CIITA: variants seen among roughly 807,000 people sequenced by gnomAD.
The protein encoded by CIITA is MHC class II transactivator.
CIITA carries 72 observed loss-of-function variants against 115.1 expected under a neutral mutation model. The observed-to-expected ratio is 0.63, with a 90% CI of 0.52 to 0.76. CIITA has a LOEUF of 0.76. Among genes scored for constraint, CIITA ranks in the 30% least tolerant of loss-of-function variants. The pLI, the probability that CIITA is intolerant of heterozygous loss-of-function variation, is 0.00. For missense variants in CIITA, 1,617 were observed against 1,463.8 expected (o/e 1.10, Z -1.71); for synonymous variants, 763 against 635.6 (o/e 1.20, Z -3.02).
chr16:10,916,503 A>G (rs756858211), intron 15 of CIITA, 44 bp downstream of exon 15: 34 of 1,531,014 alleles, frequency 2.2e-5, no homozygotes, highest in Non-Finnish European at 2.8e-5. Context: ...CGGGCCCCCA[A>G]AGTCCGGCTG....
rs1481797655 is a variant in CIITA, at chr16:10,930,333, G to A, written c.*6478G>A. 6.6e-6 allele frequency: 1 copy of A among 152,206 alleles called. No homozygotes were observed. Among genetic ancestry groups the A allele is most frequent in the Non-Finnish European group, 1.5e-5 (1 of 68,040 alleles). 9.4% of individuals were successfully genotyped at this position (152,206 alleles called of 1,614,324 possible). A position where few individuals can be genotyped will look rare whatever the true frequency, so the allele number is the denominator to read the frequency against. ...AGGGTGCTATTGACATTTGGGGTAGGACAATTCTTGGAGGTGGGGTGGCTG... is the reference window on the plus strand; with the variant it reads ...AGGGTGCTATTGACATTTGGGGTAGAACAATTCTTGGAGGTGGGGTGGCTG... On this transcript the variant is annotated 3_prime_UTR_variant, in exon 20 of 20. Transcript: ENST00000324288.
chr16:10,910,726 A>G (rs1274698366), intron 13 of CIITA, among the ~76,000 whole-genome samples: 3 of 152,150 alleles, frequency 2.0e-5, no homozygotes, highest in East Asian at 1.9e-4. Context: ...TGTGTCCCCA[A>G]CCTTCCATAG....
chr16:10,915,966 CA>C (rs1336582358), intron 14 of CIITA, among the ~76,000 whole-genome samples: 1 of 152,134 alleles, frequency 6.6e-6, no homozygotes, highest in African/African-American at 2.4e-5. Flanking sequence ...TCCCCAGTGA[CA>C]AAAAAAGTTG....
At chr16:10,906,251 T>C (rs1567414381) in intron 10 of CIITA, among the ~76,000 whole-genome samples, 1 of 152,166 alleles carries the variant, frequency 6.6e-6, no homozygotes. Context: ...TCCCAGCTAC[T>C]TGGGAGGTGG....
Position 10,907,263 on chromosome 16 carries a change from C to G in CIITA, c.1771C>G (p.Gln591Glu). The G allele has an allele frequency of 6.2e-7, 1 of 1,613,522 alleles. No homozygotes were observed. Among genetic ancestry groups the G allele is most frequent in the South Asian group, 1.1e-5 (1 of 91,074 alleles). Residue 591 changes from glutamine to glutamate, a missense_variant, in exon 11 of 20, where the codon CAA (glutamine) becomes GAA (glutamate). Gln to Glu is a conservative substitution (Grantham distance 29). Coordinates refer to ENST00000324288, the MANE Select transcript of CIITA (RefSeq NM_000246.4). The surrounding 1 kb of genome is among the most constrained non-coding windows in gnomAD (Gnocchi z 5.0). ...YFESSGMTEH[Q>E]DRALTLLRDR... ...TGAGAGCTCAGGGATGACAGAGCAC[C>G]AAGACAGAGCCCTGACGCTCCTCCG... is the stretch of plus-strand genomic sequence containing the variant.
At position 10,901,917 on chromosome 16, in the gene CIITA, G is replaced by A. The variant is rs1401010138; in HGVS notation, c.482-121G>A. On this transcript the variant is annotated intron_variant, in intron 6 of 19. Transcript: ENST00000324288. The surrounding 1 kb of genome is among the most constrained non-coding windows in gnomAD (Gnocchi z 6.8). ...GCTGATCAACACAGCTGCAGCCAGG[G>A]CTGAGAAGATGACAAGCATTTCCTC... is the stretch of plus-strand genomic sequence containing the variant. 1.4e-5 allele frequency: 19 copies of A among 1,381,916 alleles called. No homozygotes were observed. The highest frequency in any genetic ancestry group is 1.9e-5 in the Non-Finnish European group (19 of 984,060). 85.6% of individuals were successfully genotyped at this position (1,381,916 alleles called of 1,614,324 possible). A position where few individuals can be genotyped will look rare whatever the true frequency, so the allele number is the denominator to read the frequency against.
intron 1 of CIITA, among the ~76,000 whole-genome samples, chr16:10,886,000 T>G (rs2143850066): frequency 6.6e-6 from 1 of 152,084 alleles, no homozygotes; most frequent in Admixed American, 6.5e-5. Context: ...GTGCCCATTC[T>G]AATGCATTTC....
chr16:10,913,942 A>AAATAAATAAATAAATAAATAAAT (rs2039768708), intron 13 of CIITA, among the ~76,000 whole-genome samples: 1 of 133,086 alleles, frequency 7.5e-6, no homozygotes, highest in African/African-American at 2.8e-5. Flanking sequence ...CCCCATCTCA[A>AAATAAATAAATAAATAAATAAAT]AAATAAATAA....
chr16:10,916,413 C>A lies in CIITA; in HGVS notation c.3016C>A (p.Gln1006Lys), dbSNP rs556431920. 9.3e-6 allele frequency: 15 copies of A among 1,613,624 alleles called. No individual in the cohort carries two copies. The African/African-American group carries it at 1.7e-4, about 19-fold the overall frequency. Reference protein sequence around the residue: ...ENKIGDEGVSQLSATFPQLKS... With the variant: ...ENKIGDEGVSKLSATFPQLKS... ...CAAGATCGGGGACGAGGGTGTCTCG[C>A]AGCTCTCAGCCACCTTCCCCCAGCT... The change falls in exon 15 of 20, where the codon CAG becomes AAG. Residue 1006 changes from glutamine to lysine, a missense_variant. Coordinates refer to ENST00000324288, the MANE Select transcript of CIITA (RefSeq NM_000246.4).
chr16:10,940,092 T>G (rs955478119), downstream of CIITA: 3 of 152,392 alleles, frequency 2.0e-5, 1 homozygote, highest in Middle Eastern at 6.8e-3. This position sits in a 1 kb window ranked among gnomAD's most constrained non-coding sequence, Gnocchi z 4.2. Context: ...AATCTCACTG[T>G]GAACCCATTA....
intron 5 of CIITA, among the ~76,000 whole-genome samples, chr16:10,900,331 T>C (rs772993930): frequency 1.8e-4 from 27 of 152,218 alleles, no homozygotes; most frequent in Admixed American, 7.9e-4. Context: ...TCACGTTCCA[T>C]ATTATTGAGG....
intron 11 of CIITA, chr16:10,908,453 A>AC: frequency 2.0e-6 from 1 of 504,306 alleles, no homozygotes; most frequent in East Asian, 3.7e-5. Context: ...TATTCTTTCC[A>AC]CCCCCTGAGC....
intron 1 of CIITA, among the ~76,000 whole-genome samples, 189 bp from the exon 2 acceptor site, chr16:10,895,093 T>C (rs2037988033): frequency 6.6e-6 from 1 of 152,194 alleles, no homozygotes; most frequent in African/African-American, 2.4e-5. Flanking sequence ...CATATGGTTG[T>C]AAGTTCCTTG....
At position 10,929,064 on chromosome 16, in the gene CIITA, G is replaced by T; in HGVS notation, c.*5209G>T. ...ATGTCTGTTTTGCCAACTTGCTGAA[G>T]AACGAGTAACCTGAAATGAAGGAGC... On this transcript the variant is annotated 3_prime_UTR_variant, in exon 20 of 20. Transcript: ENST00000324288. This position sits in a 1 kb window ranked among gnomAD's most constrained non-coding sequence, Gnocchi z 4.3. The T allele has an allele frequency of 3.1e-6, 1 of 326,320 alleles. No individual in the cohort carries two copies. The highest frequency in any genetic ancestry group is 4.4e-6 in the Non-Finnish European group (1 of 227,138). 20.2% of individuals were successfully genotyped at this position (326,320 alleles called of 1,614,324 possible).
chr16:10,896,421 A>T (rs2038129419), intron 3 of CIITA, among the ~76,000 whole-genome samples: 1 of 152,252 alleles, frequency 6.6e-6, no homozygotes, highest in Admixed American at 6.5e-5. Flanking sequence ...GCTTAAGCAG[A>T]GAAGCTAATT....
chr16:10,903,432 A>G (rs11647384), intron 8 of CIITA, among the ~76,000 whole-genome samples: 78,619 of 152,002 alleles, frequency 0.52, 21,392 homozygotes, highest in South Asian at 0.64. Context: ...AGTTCCTGAT[A>G]TCTAGGAAAA....
intron 12 of CIITA, among the ~76,000 whole-genome samples, chr16:10,909,537 C>G (rs1033837554): frequency 5.3e-5 from 8 of 152,180 alleles, no homozygotes; most frequent in African/African-American, 1.9e-4. Context: ...CAACTGTTGT[C>G]CCAAATTTAT....
Position 10,941,779 on chromosome 16 carries a change from G to C in CIITA, n.905G>C. 6.2e-7 allele frequency: 1 copy of C among 1,613,728 alleles called. No homozygotes were observed. The highest frequency in any genetic ancestry group is 8.5e-7 in the Non-Finnish European group (1 of 1,179,828). On this transcript the variant is annotated non_coding_transcript_exon_variant, in exon 2 of 2. Coordinates refer to the CIITA transcript ENST00000573379. This position sits in a 1 kb window ranked among gnomAD's most constrained non-coding sequence, Gnocchi z 6.4. Reference sequence around the variant, plus strand: ...GTCAGCATCGTAAAGGCCCGAGCCGGGGTCGGAGAGCACGCCGAGGTCCAC... The same window carrying C: ...GTCAGCATCGTAAAGGCCCGAGCCGCGGTCGGAGAGCACGCCGAGGTCCAC...
intron 10 of CIITA, 73 bp downstream of exon 10, chr16:10,904,885 C>T: frequency 6.9e-7 from 1 of 1,454,142 alleles, no homozygotes; most frequent in Non-Finnish European, 9.7e-7. Flanking sequence ...ATTGCTCATT[C>T]ACTTGACACT....
Sources: gnomAD v4.1 joint callset for allele counts (sites outside exome capture counted in the v4.1 genomes callset) on GRCh38, gnomAD v4.1.1 for gene constraint, Gnocchi (gnomAD v3.1) non-coding constraint, MANE v1.5 for transcripts, NCBI Gene and HGNC (gene_info 2026-07-23, HGNC 2026-07-21) for gene names.